Variants in NKAIN2 observed in about 807,000 individuals in gnomAD.
The protein encoded by NKAIN2 is sodium/potassium-transporting ATPase subunit beta-1-interacting protein 2.
A neutral mutation model predicts 32.6 loss-of-function variants in NKAIN2; 14 were observed. The ratio of observed to expected loss-of-function variants is 0.43; its 90% CI spans 0.28 to 0.67. The LOEUF (loss-of-function observed/expected upper bound fraction) is 0.67. Ranked by LOEUF, NKAIN2 falls within the 30% of genes least tolerant of loss-of-function variation. NKAIN2 has a pLI of 0.17. For synonymous variants in NKAIN2, 80 were observed against 87.2 expected (o/e 0.92, Z 0.46); for missense variants, 198 against 258.3 (o/e 0.77, Z 1.60).
At chr6:123,851,366 C>T (rs946033649) in intron 1 of NKAIN2, among the ~76,000 whole-genome samples, 2 of 117,534 alleles carry the variant, frequency 1.7e-5, no homozygotes, top group African/African-American at 5.4e-5. Flanking sequence ...CCTCCTGCCT[C>T]AGCCTCCTGA....
At chr6:124,185,859 T>A (rs1326527408) in intron 1 of NKAIN2, among the ~76,000 whole-genome samples, 1 of 94,270 alleles carries the variant, frequency 1.1e-5, no homozygotes, top group Non-Finnish European at 3.1e-5. Context: ...ATCAAATAAT[T>A]TAGGGGAAAC....
intron 3 of NKAIN2, among the ~76,000 whole-genome samples, chr6:124,546,896 G>C (rs1780114379): frequency 6.6e-6 from 1 of 152,170 alleles, no homozygotes; most frequent in Non-Finnish European, 1.5e-5. Context: ...CATTACAAAA[G>C]TGTCTGAAAA....
rs566810305 is a variant in NKAIN2 at position 124,532,988 on chromosome 6, C to T, written c.274-125198C>T. ...CTGGGTTTGCTTCCTGGTGATGAGG[C>T]GCTGTGCTCAGGGTGGGGTTAGTGT... On this transcript the variant is annotated intron_variant, in intron 3 of 6. Transcript: ENST00000368417. Among the ~76,000 whole-genome samples the T allele has an allele frequency of 4.1e-4, 62 of 152,200 alleles. 1 individual carries two copies. The highest frequency in any genetic ancestry group is 1.7e-3 in the East Asian group (9 of 5,162).
intron 4 of NKAIN2, among the ~76,000 whole-genome samples, chr6:124,724,805 G>C (rs1252743411): frequency 6.6e-6 from 1 of 152,066 alleles, no homozygotes; most frequent in Non-Finnish European, 1.5e-5. Flanking sequence ...CCAGTTTTTT[G>C]GGTTAGTTCC....
At chr6:124,044,899 G>A (rs1345023645) in intron 1 of NKAIN2, among the ~76,000 whole-genome samples, 1 of 151,944 alleles carries the variant, frequency 6.6e-6, no homozygotes, top group African/African-American at 2.4e-5. Flanking sequence ...TAGAGTTAAA[G>A]TTTAGGAGAC....
chr6:123,873,656 G>A (rs1324423142), intron 1 of NKAIN2, among the ~76,000 whole-genome samples: 1 of 152,172 alleles, frequency 6.6e-6, no homozygotes, highest in African/African-American at 2.4e-5. Context: ...TGAAAATTAT[G>A]TGGAGGTAGA....
intron 1 of NKAIN2, among the ~76,000 whole-genome samples, chr6:124,052,035 A>G (rs1463906205): frequency 6.6e-6 from 1 of 151,986 alleles, no homozygotes; most frequent in Non-Finnish European, 1.5e-5. Context: ...CCATTTCTCT[A>G]TAGGGTTTAT....
intron 1 of NKAIN2, among the ~76,000 whole-genome samples, chr6:124,150,828 C>A (rs1416653386): frequency 6.6e-6 from 1 of 151,876 alleles, no homozygotes; most frequent in Non-Finnish European, 1.5e-5. Flanking sequence ...CTTTATTAAC[C>A]CTGTGTGTTA....
chr6:124,155,459 A>T lies in NKAIN2; in HGVS notation c.55-127546A>T, dbSNP rs554060313. ...ATTATATGTCAATTAAAAAGAAAAA[A>T]ATTTAAATGTTGAATGAGGTAAAGA... On this transcript the variant is annotated intron_variant, in intron 1 of 6. Coordinates refer to ENST00000368417, the MANE Select transcript of NKAIN2 (RefSeq NM_001040214.3). 1.3e-4 allele frequency among the ~76,000 whole-genome samples: 20 copies of T among 152,200 alleles called. No individual in the cohort carries two copies. The South Asian group carries it at 4.2e-3, about 32-fold the overall frequency.
intron 1 of NKAIN2, among the ~76,000 whole-genome samples, chr6:124,263,961 T>C (rs553466075): frequency 9.9e-5 from 15 of 152,276 alleles, no homozygotes; most frequent in Admixed American, 8.5e-4. Context: ...AGATAAATTT[T>C]CAGGAATGTG....
intron 3 of NKAIN2, among the ~76,000 whole-genome samples, chr6:124,402,449 T>C (rs1773664222): frequency 6.6e-6 from 1 of 152,242 alleles, no homozygotes; most frequent in African/African-American, 2.4e-5. Context: ...TCTCTGGGCT[T>C]TCCATACGAT....
At chr6:124,114,435 T>C (rs1354146526) in intron 1 of NKAIN2, among the ~76,000 whole-genome samples, 1 of 152,056 alleles carries the variant, frequency 6.6e-6, no homozygotes, top group East Asian at 1.9e-4. Context: ...ATTAGGTGTG[T>C]TAATTTTATA....
Position 124,309,744 on chromosome 6 carries a change from A to G in NKAIN2, c.192+26602A>G, listed in dbSNP as rs888673957. Among the ~76,000 whole-genome samples, 12 of 152,256 alleles carry G rather than the reference A, an allele frequency of 7.9e-5. No individual in the cohort carries two copies. The South Asian group carries it at 2.1e-3, about 26-fold the overall frequency. The stretch of plus-strand genomic sequence containing the variant: ...CCTGTAGATTCATTTCAGTCACAAC[A>G]GTCTGTCAGTGCCTGGGATTTTTAC... On this transcript the variant is annotated intron_variant, in intron 2 of 6. Transcript: ENST00000368417.
intron 1 of NKAIN2, among the ~76,000 whole-genome samples, chr6:123,928,584 G>GTTAA (rs1776114858): frequency 6.6e-6 from 1 of 152,116 alleles, no homozygotes; most frequent in Non-Finnish European, 1.5e-5. Context: ...AGCCTCAGAA[G>GTTAA]TTAACATGGT....
intron 3 of NKAIN2, among the ~76,000 whole-genome samples, chr6:124,599,607 T>G (rs2114977895): frequency 6.6e-6 from 1 of 152,284 alleles, no homozygotes; most frequent in South Asian, 2.1e-4. Flanking sequence ...TGGTGGATAC[T>G]TCTTGGGTGA....
intron 1 of NKAIN2, among the ~76,000 whole-genome samples, chr6:123,930,442 A>T (rs1016783496): frequency 2.0e-4 from 31 of 152,312 alleles, no homozygotes; most frequent in African/African-American, 7.0e-4. Context: ...ATTATACTGC[A>T]TATGGAGTTA....
intron 3 of NKAIN2, among the ~76,000 whole-genome samples, chr6:124,457,161 T>A (rs535322954): frequency 6.2e-4 from 94 of 152,008 alleles, no homozygotes; most frequent in African/African-American, 2.0e-3. Flanking sequence ...GCACCTAGAT[T>A]CTAGAACTTT....
chr6:124,636,609 G>A (rs1783782669), intron 3 of NKAIN2, among the ~76,000 whole-genome samples: 1 of 151,742 alleles, frequency 6.6e-6, no homozygotes, highest in South Asian at 2.1e-4. Context: ...ATACAAAGGA[G>A]ACAGACTATT....
chr6:124,331,446 G>A (rs917944965), intron 2 of NKAIN2, among the ~76,000 whole-genome samples: 4 of 146,596 alleles, frequency 2.7e-5, no homozygotes, highest in Non-Finnish European at 6.0e-5. Context: ...GGAGAATGGC[G>A]TGAACCTGCG....
Sources: gnomAD v4.1 joint callset for allele counts (sites outside exome capture counted in the v4.1 genomes callset) on GRCh38, gnomAD v4.1.1 for gene constraint, MANE v1.5 for transcripts, NCBI Gene and HGNC (gene_info 2026-07-23, HGNC 2026-07-21) for gene names.